ARSG: variants seen among roughly 807,000 people sequenced by gnomAD.
ARSG encodes arylsulfatase G, also known as ASG.
In ARSG, 37 loss-of-function variants were observed where a neutral mutation model predicts 50.5. The observed-to-expected ratio is 0.73, with a 90% CI of 0.56 to 0.96. ARSG has a LOEUF of 0.96. Ranked by LOEUF, ARSG falls within the 50% of genes least tolerant of loss-of-function variation. The probability of loss-of-function intolerance (pLI) is 0.00; values close to 1 mark genes in which losing one functional copy is unlikely to be tolerated. For synonymous variants in ARSG, 225 were observed against 254.6 expected (o/e 0.88, Z 1.11); for missense variants, 629 against 675.3 (o/e 0.93, Z 0.76).
chr17:68,437,944 C>A, the ARSG span, among the ~76,000 whole-genome samples: 2 of 33,206 alleles, frequency 6.0e-5, no homozygotes, highest in East Asian at 4.1e-4. Context: ...AGAGACATCT[C>A]TCTTAAAAAA....
chr17:68,304,879 A>C (rs1555763409), intron 1 of ARSG, among the ~76,000 whole-genome samples: 1 of 152,178 alleles, frequency 6.6e-6, no homozygotes, highest in Admixed American at 6.5e-5. Flanking sequence ...CCTCCTTATT[A>C]AACTTGCAAA....
At chr17:68,325,712 C>T (rs2077478014) in intron 2 of ARSG, among the ~76,000 whole-genome samples, 1 of 152,194 alleles carries the variant, frequency 6.6e-6, no homozygotes, top group African/African-American at 2.4e-5. Context: ...CCAGTTGGCC[C>T]ATTCTTTCAA....
chr17:68,273,867 C>T, intron 1 of ARSG: 4 of 1,570,116 alleles, frequency 2.5e-6, no homozygotes, highest in Non-Finnish European at 1.7e-6. Flanking sequence ...TCCTCCTTCC[C>T]CTTCCTTGTT....
At chr17:68,426,254 G>GGGGGGGGCCCCCCCCCCC, downstream of ARSG, 2 of 816,918 alleles carry the variant, frequency 2.4e-6, no homozygotes, top group Non-Finnish European at 3.9e-6. Context: ...GGGAGCGGGG[G>GGGGGGGGCCCCCCCCCCC]CTCAAATAAA....
chr17:68,428,796 G>C, the ARSG span: 1 of 1,548,414 alleles, frequency 6.5e-7, no homozygotes, highest in Non-Finnish European at 8.9e-7. Context: ...ACCAGCTCTC[G>C]AAAGGCTGTC....
intron 8 of ARSG, chr17:68,379,968 C>A: frequency 5.5e-6 from 4 of 731,778 alleles, no homozygotes; most frequent in Non-Finnish European, 6.7e-6. Context: ...GACCTTTGAG[C>A]GACACGGATT....
At chr17:68,401,285 G>T (rs1168497287) in intron 10 of ARSG, 75 bp from the exon 11 acceptor site, 1 of 1,294,180 alleles carries the variant, frequency 7.7e-7, no homozygotes, top group Non-Finnish European at 1.1e-6. Context: ...GACCTCCCAA[G>T]GTATTGGGAT....
chr17:68,271,328 C>T lies in ARSG; in HGVS notation c.-552+11902C>T, dbSNP rs782727087. On this transcript the variant is annotated intron_variant, in intron 1 of 11. Coordinates refer to the ARSG transcript ENST00000448504. The surrounding 1 kb of genome is among the most constrained non-coding windows in gnomAD (Gnocchi z 5.3). Reference sequence around the variant, plus strand: ...AAGTCTAATAGCGGGGCTTTCTTTTCGCTTGGCCTGGGGCTGGTCTTCACC... The same window carrying T: ...AAGTCTAATAGCGGGGCTTTCTTTTTGCTTGGCCTGGGGCTGGTCTTCACC... 2.9e-5 allele frequency: 47 copies of T among 1,614,188 alleles called. No homozygotes were observed. The highest frequency in any genetic ancestry group is 1.6e-4 in the Middle Eastern group (1 of 6,062).
At chr17:68,446,137 G>A in the ARSG span, among the ~76,000 whole-genome samples, 4 of 152,030 alleles carry the variant, frequency 2.6e-5, no homozygotes, top group Non-Finnish European at 5.9e-5. Flanking sequence ...AATGATGAAG[G>A]TCATCAGTGT....
At chr17:68,419,797 A>G (rs1600211332) in intron 11 of ARSG, among the ~76,000 whole-genome samples, 2 of 57,574 alleles carry the variant, frequency 3.5e-5, no homozygotes, top group Middle Eastern at 0.02. Context: ...CTGTCTCTGG[A>G]AAAAAAAAAA....
At chr17:68,331,940 G>A (rs989834959) in intron 2 of ARSG, among the ~76,000 whole-genome samples, 1 of 152,130 alleles carries the variant, frequency 6.6e-6, no homozygotes, top group Admixed American at 6.6e-5. Flanking sequence ...GAGGCAGGGC[G>A]AGATCACAGG....
At chr17:68,304,600 C>T (rs567051550) in intron 1 of ARSG, among the ~76,000 whole-genome samples, 18 of 152,312 alleles carry the variant, frequency 1.2e-4, no homozygotes, top group African/African-American at 4.1e-4. Context: ...AAGTGTCTGT[C>T]ATAATCCCAG....
chr17:68,426,254 G>GCCCCCGC, downstream of ARSG: 1 of 816,924 alleles, frequency 1.2e-6, no homozygotes, highest in Admixed American at 2.3e-5. Flanking sequence ...GGGAGCGGGG[G>GCCCCCGC]CTCAAATAAA....
the ARSG span, chr17:68,430,038 C>T: frequency 1.1e-3 from 1,705 of 1,614,146 alleles, 26 homozygotes; most frequent in African/African-American, 0.021. Context: ...GAAGTTCAAG[C>T]GTGCAGTGGC....
intron 6 of ARSG, among the ~76,000 whole-genome samples, chr17:68,358,945 C>T (rs913017885): frequency 2.0e-5 from 3 of 152,068 alleles, no homozygotes; most frequent in East Asian, 3.9e-4. Flanking sequence ...AGGTGGATCA[C>T]GAGGTCAGGA....
intron 6 of ARSG, among the ~76,000 whole-genome samples, chr17:68,358,562 A>G (rs62085864): frequency 0.32 from 48,576 of 151,776 alleles, 9,241 homozygotes; most frequent in Non-Finnish European, 0.42. Flanking sequence ...GGTGGCACCC[A>G]TCTGTAGTCC....
chr17:68,259,824 C>G (rs2075045383), intron 1 of ARSG, among the ~76,000 whole-genome samples: 1 of 152,158 alleles, frequency 6.6e-6, no homozygotes, highest in African/African-American at 2.4e-5. Flanking sequence ...GACAGTGCAG[C>G]TCTAGACCAG....
intron 2 of ARSG, among the ~76,000 whole-genome samples, chr17:68,308,313 G>A (rs2076688591): frequency 6.6e-6 from 1 of 152,132 alleles, no homozygotes; most frequent in Non-Finnish European, 1.5e-5. Context: ...TGGCACGTCT[G>A]GAGTTTGTTC....
chr17:68,270,451 G>A (rs1337650595), intron 1 of ARSG, among the ~76,000 whole-genome samples: 2 of 152,032 alleles, frequency 1.3e-5, no homozygotes, highest in African/African-American at 2.4e-5. Context: ...CTACTCAGGA[G>A]GCTGAGGCAG....
Sources: gnomAD v4.1 joint callset for allele counts (sites outside exome capture counted in the v4.1 genomes callset) on GRCh38, gnomAD v4.1.1 for gene constraint, Gnocchi (gnomAD v3.1) non-coding constraint, MANE v1.5 for transcripts, NCBI Gene and HGNC (gene_info 2026-07-23, HGNC 2026-07-21) for gene names.